FLT1: variants seen among roughly 807,000 people sequenced by gnomAD.
FLT1 encodes vascular endothelial growth factor receptor 1.
Under a neutral mutation model 156.3 loss-of-function variants are expected in FLT1, and 49 were observed. The observed-to-expected ratio is 0.31, with a 90% CI of 0.25 to 0.40. The LOEUF is 0.40. Among genes scored for constraint, FLT1 ranks in the 10% least tolerant of loss-of-function variants. The pLI, the probability that FLT1 is intolerant of heterozygous loss-of-function variation, is 1.00. For synonymous variants in FLT1, 594 were observed against 583.8 expected, an observed-to-expected ratio of 1.02 and a Z score of -0.25; for missense variants, 1,322 against 1,637.2, an observed-to-expected ratio of 0.81 and a Z score of 3.32.
intron 19 of FLT1, chr13:28,328,473 C>A (rs1319068836): frequency 6.6e-6 from 1 of 152,262 alleles, no homozygotes; most frequent in Admixed American, 6.5e-5. Context: ...AGCTGCTTCA[C>A]CAGCCGCTGC....
intron 8 of FLT1, among the ~76,000 whole-genome samples, chr13:28,429,324 T>C (rs562894501): frequency 6.6e-6 from 1 of 152,322 alleles, no homozygotes; most frequent in Admixed American, 6.5e-5. Flanking sequence ...CCCTATTGTA[T>C]GGATTGTTTT....
chr13:28,431,757 C>T (rs913409233), intron 6 of FLT1, among the ~76,000 whole-genome samples: 1 of 152,124 alleles, frequency 6.6e-6, no homozygotes, highest in Non-Finnish European at 1.5e-5. Context: ...CGCACACAAA[C>T]GTGGACAATC....
intron 3 of FLT1, among the ~76,000 whole-genome samples, chr13:28,460,854 A>C (rs11618844): frequency 0.11 from 16,566 of 151,844 alleles, 1,135 homozygotes; most frequent in Admixed American, 0.2. Context: ...TACATTTATG[A>C]GGGTAAAATG....
intron 8 of FLT1, among the ~76,000 whole-genome samples, chr13:28,429,003 T>G (rs1254929176): frequency 6.6e-6 from 1 of 152,152 alleles, no homozygotes; most frequent in African/African-American, 2.4e-5. Flanking sequence ...TGCTACTTAG[T>G]TACTGAAGAA....
chr13:28,327,430 C>G, intron 20 of FLT1, 32 bp downstream of exon 20: 1 of 1,356,578 alleles, frequency 7.4e-7, no homozygotes, highest in Non-Finnish European at 1.1e-6. Flanking sequence ...TCATTGCTAT[C>G]TTTAAAAACC....
intron 1 of FLT1, among the ~76,000 whole-genome samples, chr13:28,487,712 C>A (rs1398934458): frequency 6.6e-6 from 1 of 152,134 alleles, no homozygotes; most frequent in Admixed American, 6.5e-5. Flanking sequence ...TCCCTGACAA[C>A]CAAAAATTCT....
At chr13:28,398,833 G>C (rs376317656) in intron 11 of FLT1, among the ~76,000 whole-genome samples, 1 of 152,196 alleles carries the variant, frequency 6.6e-6, no homozygotes, top group Non-Finnish European at 1.5e-5. Context: ...TAAGGTGATA[G>C]AGAAGAATTT....
chr13:28,489,930 A>G (rs887661724), intron 1 of FLT1, among the ~76,000 whole-genome samples: 11 of 152,260 alleles, frequency 7.2e-5, no homozygotes, highest in Admixed American at 1.3e-4. Flanking sequence ...TTAAGAAAAT[A>G]GAAGAAAACT....
rs184840684 is a variant in FLT1, at chr13:28,439,242, G to A, written c.389-897C>T. Among the ~76,000 whole-genome samples, 102 of 152,244 alleles carry A rather than the reference G, an allele frequency of 6.7e-4. No individual in the cohort carries two copies. The highest frequency in any genetic ancestry group is 2.4e-3 in the African/African-American group (101 of 41,532). On this transcript the variant is annotated intron_variant, in intron 3 of 29. Coordinates refer to ENST00000282397, the MANE Select transcript of FLT1 (RefSeq NM_002019.4). This position sits in a 1 kb window ranked among gnomAD's most constrained non-coding sequence, Gnocchi z 4.1. ...GAATCTATTGACATCCTCAGGCAAC[G>A]ATCTCTTCGGGAGTCATTGTGTTCT...
intron 27 of FLT1, among the ~76,000 whole-genome samples, chr13:28,310,898 T>C (rs1389280522): frequency 6.6e-6 from 1 of 152,178 alleles, no homozygotes; most frequent in African/African-American, 2.4e-5. Flanking sequence ...AAAAAAAACA[T>C]GTAAAGACAC....
rs2137411446 is a variant in FLT1, at chr13:28,357,661, C to T, written c.2141G>A (p.Ser714Asn). 6.2e-7 allele frequency: 1 copy of T among 1,613,728 alleles called. No homozygotes were observed. Residue 714 changes from serine (S) to asparagine (N), a missense_variant, in exon 15 of 30, where the codon AGC becomes AAC. By Grantham distance (46) the Ser-to-Asn change is conservative (BLOSUM62 1). Transcript: ENST00000282397. ...EPGIILGPGS[S>N]TLFIERVTEE... is the part of the protein sequence containing the mutation. ...TGTGACTCTTTCAATAAACAGCGTG[C>T]TGCTTCCTGGTCCTAAAATAATTCC...
chr13:28,351,990 C>T (rs1872748278), intron 15 of FLT1, among the ~76,000 whole-genome samples: 1 of 152,196 alleles, frequency 6.6e-6, no homozygotes, highest in Non-Finnish European at 1.5e-5. Context: ...TTAGCATGCC[C>T]ATTTTACAAT....
intron 13 of FLT1, chr13:28,385,888 C>T (rs1874331661): frequency 9.5e-7 from 1 of 1,050,958 alleles, no homozygotes; most frequent in Non-Finnish European, 1.1e-6. Flanking sequence ...TCAGTCAGTC[C>T]TGCTGATGTG....
chr13:28,473,729 A>AGAAGGAAGGAAG (rs1157781404), intron 1 of FLT1, among the ~76,000 whole-genome samples: 36 of 84,306 alleles, frequency 4.3e-4, no homozygotes, highest in Admixed American at 1.6e-3. Context: ...AAAGAAAGAA[A>AGAAGGAAGGAAG]GAAGGAAGGA....
chr13:28,395,127 T>G (rs1421584388), intron 12 of FLT1, among the ~76,000 whole-genome samples: 1 of 152,218 alleles, frequency 6.6e-6, no homozygotes, highest in Non-Finnish European at 1.5e-5. Flanking sequence ...GAGCTCTAAA[T>G]TGATCCTGAC....
In FLT1 at chr13:28,334,228, G is replaced by A. The variant is rs559003022; in HGVS notation, c.2489-99C>T. 4 of 826,318 alleles carry A rather than the reference G, an allele frequency of 4.8e-6. No homozygotes were observed. The African/African-American group carries it at 6.6e-5, about 14-fold the overall frequency. The allele number at this position is 826,318 out of a possible 1,614,324, so 51.2% of individuals were successfully genotyped here. On this transcript the variant is annotated intron_variant, in intron 17 of 29. Transcript: ENST00000282397. ...TGCCTTTTCCTATGTGTGCATGTGA[G>A]GCATGGAATCTCCAGTGAACTAACC...
rs540535380 is a variant in FLT1 at position 28,300,432 on chromosome 13, T to G, written c.*2735A>C. ...ATATAGGACCAAACCATGTCTGTCTTATATCTGTAGCATATATTCTTGGTT... is the reference window on the plus strand; with the variant it reads ...ATATAGGACCAAACCATGTCTGTCTGATATCTGTAGCATATATTCTTGGTT... On this transcript the variant is annotated 3_prime_UTR_variant, in exon 30 of 30. Transcript: ENST00000282397. The G allele has an allele frequency of 5.1e-5, 12 of 233,254 alleles. No homozygotes were observed. Among genetic ancestry groups the G allele is most frequent in the Middle Eastern group, 1.3e-3 (1 of 786 alleles). 14.4% of individuals were successfully genotyped at this position (233,254 alleles called of 1,614,324 possible). A position where few individuals can be genotyped will look rare whatever the true frequency, so the allele number is the denominator to read the frequency against.
intron 13 of FLT1, chr13:28,388,286 A>T: frequency 9.5e-7 from 1 of 1,057,288 alleles, no homozygotes; most frequent in Non-Finnish European, 1.1e-6. Context: ...CACGTTTGAC[A>T]AAAGCAATTC....
chr13:28,302,914 G>A lies in FLT1; in HGVS notation c.*253C>T. 1.9e-6 allele frequency: 1 copy of A among 524,478 alleles called. No individual in the cohort carries two copies. Among genetic ancestry groups the A allele is most frequent in the Non-Finnish European group, 3.4e-6 (1 of 291,796 alleles). 32.5% of individuals were successfully genotyped at this position (524,478 alleles called of 1,614,324 possible). Reference sequence around the variant, plus strand: ...TGGAGCAGGGAAGTCATTGGGTTTAGGAAGGATTTCTCTAACACTGAGTAA... The same window carrying A: ...TGGAGCAGGGAAGTCATTGGGTTTAAGAAGGATTTCTCTAACACTGAGTAA... On this transcript the variant is annotated 3_prime_UTR_variant, in exon 30 of 30. Coordinates refer to ENST00000282397, the MANE Select transcript of FLT1 (RefSeq NM_002019.4).
Sources: gnomAD v4.1 joint callset for allele counts (sites outside exome capture counted in the v4.1 genomes callset) on GRCh38, gnomAD v4.1.1 for gene constraint, Gnocchi (gnomAD v3.1) non-coding constraint, MANE v1.5 for transcripts, NCBI Gene and HGNC (gene_info 2026-07-23, HGNC 2026-07-21) for gene names.